MPDZ: variants seen among roughly 807,000 people sequenced by gnomAD.
MPDZ encodes the protein multiple PDZ domain protein.
In MPDZ, 234 loss-of-function variants were observed where a neutral mutation model predicts 239.1. The observed-to-expected ratio is 0.98, with a 90% CI of 0.88 to 1.09. The LOEUF (loss-of-function observed/expected upper bound fraction) is 1.09, where lower values mean the gene tolerates loss of function less well. MPDZ is among the 50% of genes least tolerant of loss of function. MPDZ has a pLI of 0.00. For missense variants in MPDZ, 3,175 were observed against 2,510.0 expected (o/e 1.26, Z -5.66); for synonymous variants, 1,048 against 881.3 (o/e 1.19, Z -3.35).
intron 42 of MPDZ, 125 bp from the exon 43 acceptor site, chr9:13,112,271 T>C (rs1190851129): frequency 9.9e-7 from 1 of 1,010,544 alleles, no homozygotes; most frequent in Non-Finnish European, 1.4e-6. Context: ...AATGAAGAAG[T>C]GCAAGAAAAC....
rs74323252 is a variant in MPDZ, at chr9:13,168,394, T to G, written c.3226A>C (p.Arg1076=). 1.1e-4 allele frequency: 184 copies of G among 1,613,340 alleles called. 1 individual carries two copies. In the East Asian group the frequency reaches 2.7e-3, roughly 24 times the overall value. The change falls in exon 22 of 47, where the codon AGA becomes CGA. Residue 1076 remains arginine, a synonymous_variant. Transcript: ENST00000319217. ...TNAQARAMLR[R]HSLIGPDIKI... ...ATGTCAGGGCCAATGAGAGAATGTC[T>G]TCTCAACATAGCTCGTGCCTGGGCA...
At chr9:13,253,734 G>A (rs1452411655) in intron 1 of MPDZ, among the ~76,000 whole-genome samples, 2 of 152,190 alleles carry the variant, frequency 1.3e-5, no homozygotes, top group Non-Finnish European at 2.9e-5. Flanking sequence ...ATGCTAAGCA[G>A]TGACAATAAT....
At chr9:13,123,455 C>T (rs1042228488) in intron 35 of MPDZ, among the ~76,000 whole-genome samples, 157 bp from the exon 36 acceptor site, 1 of 152,018 alleles carries the variant, frequency 6.6e-6, no homozygotes, top group Non-Finnish European at 1.5e-5. Flanking sequence ...TTTTAATTAT[C>T]TTATATTTAA....
intron 15 of MPDZ, among the ~76,000 whole-genome samples, chr9:13,190,846 T>C (rs773591723): frequency 5.3e-5 from 8 of 152,158 alleles, no homozygotes; most frequent in Non-Finnish European, 1.2e-4. Context: ...CTTGAATATT[T>C]AAAATTTGAA....
At chr9:13,166,292 C>G (rs978976699) in intron 22 of MPDZ, among the ~76,000 whole-genome samples, 2 of 152,132 alleles carry the variant, frequency 1.3e-5, no homozygotes, top group African/African-American at 4.8e-5. Context: ...TTTTGCTTCA[C>G]GAAACAAGTG....
rs778399733 is a variant in MPDZ at position 13,125,343 on chromosome 9, G to A, written c.4680C>T (p.Ile1560=). The change falls in exon 35 of 47, where the codon ATC becomes ATT. Residue 1560 remains isoleucine (I), a synonymous_variant. Coordinates refer to ENST00000319217, the MANE Select transcript of MPDZ (RefSeq NM_001378778.1). The part of the protein sequence containing the change: ...KTAKMTVKLT[I]HAENPDSQAV... ...CCTGGGAATCTGGATTCTCAGCATG[G>A]ATGGTAAGTTTTACTGTCATCTTTG... 6.2e-7 allele frequency: 1 copy of A among 1,613,706 alleles called. No homozygotes were observed. The highest frequency in any genetic ancestry group is 1.3e-5 in the African/African-American group (1 of 74,922).
At chr9:13,242,997 C>A (rs1458837445) in intron 3 of MPDZ, among the ~76,000 whole-genome samples, 1 of 152,176 alleles carries the variant, frequency 6.6e-6, no homozygotes, top group African/African-American at 2.4e-5. Flanking sequence ...GTGAACTGCT[C>A]TGTATCCCTG....
intron 4 of MPDZ, among the ~76,000 whole-genome samples, chr9:13,224,006 T>G (rs1315490913): frequency 3.3e-5 from 5 of 151,436 alleles, no homozygotes; most frequent in Admixed American, 6.6e-5. Flanking sequence ...TGCACTCCAG[T>G]GTGGGTGACA....
chr9:13,171,598 A>G (rs1315260297), intron 21 of MPDZ, among the ~76,000 whole-genome samples: 1 of 152,168 alleles, frequency 6.6e-6, no homozygotes, highest in Non-Finnish European at 1.5e-5. Context: ...GGGACCACAG[A>G]CTTATCAAAA....
intron 35 of MPDZ, among the ~76,000 whole-genome samples, chr9:13,124,724 A>C (rs1006913397): frequency 1.3e-5 from 2 of 152,210 alleles, no homozygotes; most frequent in Non-Finnish European, 2.9e-5. Context: ...CAATGACTAA[A>C]GAGTTTCTTA....
chr9:13,186,296 G>A lies in MPDZ; in HGVS notation c.2455C>T (p.Pro819Ser), dbSNP rs997331523. The A allele has an allele frequency of 8.2e-6, 13 of 1,592,488 alleles. No homozygotes were observed. In the Admixed American group the frequency reaches 1.0e-4, roughly 13 times the overall value. Reference sequence around the variant, plus strand: ...AGAGCCAAGTCAGCCCTGAAGAGGGGTTTGTCAGCCAGCCCTGCTTCCTCA... The same window carrying A: ...AGAGCCAAGTCAGCCCTGAAGAGGGATTTGTCAGCCAGCCCTGCTTCCTCA... ...SCEEAGLADK[P>S]LFRADLALVG... Residue 819 changes from proline (P) to serine (S), a missense_variant, in exon 18 of 47, where the codon CCC becomes TCC. Transcript: ENST00000319217.
chr9:13,146,209 GA>G (rs1344520723), intron 26 of MPDZ, among the ~76,000 whole-genome samples: 5 of 151,946 alleles, frequency 3.3e-5, no homozygotes, highest in Admixed American at 6.6e-5. Flanking sequence ...AAAACTACTA[GA>G]TTCACTCTTT....
intron 1 of MPDZ, among the ~76,000 whole-genome samples, chr9:13,276,148 T>C (rs1974134627): frequency 6.6e-6 from 1 of 152,168 alleles, no homozygotes; most frequent in African/African-American, 2.4e-5. Context: ...TATTCTGTAC[T>C]CTCCCCAATG....
At chr9:13,112,981 G>T in intron 42 of MPDZ, 30 bp downstream of exon 42, 1 of 1,559,752 alleles carries the variant, frequency 6.4e-7, no homozygotes, top group Non-Finnish European at 8.7e-7. Flanking sequence ...AAAACGCCAG[G>T]GTTTATATTG....
In MPDZ at chr9:13,188,725, G is replaced by A. The variant is rs561368390; in HGVS notation, c.2364+59C>T. Reference sequence around the variant, plus strand: ...ATGAGAACACCTAAAGCGAAAAGTAGACCTATGAACCATTTTGCTTATAAA... The same window carrying A: ...ATGAGAACACCTAAAGCGAAAAGTAAACCTATGAACCATTTTGCTTATAAA... On this transcript the variant is annotated intron_variant, in intron 17 of 46. Coordinates refer to ENST00000319217, the MANE Select transcript of MPDZ (RefSeq NM_001378778.1). 4.3e-5 allele frequency: 63 copies of A among 1,464,742 alleles called. 1 individual carries two copies. In the African/African-American group the frequency reaches 8.0e-4, roughly 19 times the overall value. 90.7% of individuals were successfully genotyped at this position (1,464,742 alleles called of 1,614,324 possible).
intron 1 of MPDZ, among the ~76,000 whole-genome samples, chr9:13,251,557 T>C (rs879449438): frequency 1.3e-5 from 2 of 152,182 alleles, no homozygotes; most frequent in Admixed American, 1.3e-4. Flanking sequence ...AGTCATTCCT[T>C]CAATAGAGAA....
intron 24 of MPDZ, among the ~76,000 whole-genome samples, chr9:13,156,852 C>T (rs1949884909): frequency 6.6e-6 from 1 of 152,090 alleles, no homozygotes. Context: ...AAATAAGACA[C>T]TTAACACCTC....
At chr9:13,117,415 C>T (rs1188864999) in intron 39 of MPDZ, among the ~76,000 whole-genome samples, 1 of 151,844 alleles carries the variant, frequency 6.6e-6, no homozygotes, top group Non-Finnish European at 1.5e-5. Flanking sequence ...CCTGTAGTCC[C>T]AGCTACTCAG....
chr9:13,245,162 A>G (rs1048827300), intron 3 of MPDZ, among the ~76,000 whole-genome samples: 3 of 151,926 alleles, frequency 2.0e-5, no homozygotes, highest in South Asian at 4.1e-4. Context: ...AGCAGTTGGT[A>G]AACTACATAG....
Sources: allele counts gnomAD v4.1 joint callset (sites outside exome capture counted in the v4.1 genomes callset), GRCh38; gene constraint gnomAD v4.1.1; transcripts MANE v1.5; gene names NCBI Gene and HGNC (gene_info 2026-07-23, HGNC 2026-07-21).